Variants in MAP2K5 observed in about 807,000 individuals in gnomAD.
MAP2K5 encodes the protein mitogen-activated protein kinase kinase 5, also known as dual specificity mitogen-activated protein kinase kinase 5.
Under a neutral mutation model 83.1 loss-of-function variants are expected in MAP2K5, and 49 were observed. The observed-to-expected ratio is 0.59, with a 90% confidence interval of 0.47 to 0.75. The LOEUF is 0.75. Ranked by LOEUF, MAP2K5 falls within the 30% of genes least tolerant of loss-of-function variation. The pLI, the probability that MAP2K5 is intolerant of heterozygous loss-of-function variation, is 0.00. For synonymous variants in MAP2K5, 202 were observed against 191.8 expected (o/e 1.05, Z -0.44); for missense variants, 457 against 557.5 (o/e 0.82, Z 1.82).
chr15:67,806,677 G>A lies in MAP2K5; in HGVS notation c.1274G>A (p.Gly425Glu), dbSNP rs1203207707. ...CCGTTCATCGTGCAGTTCAATGATG[G>A]AAATGCCGCCGTGGTGTCCATGTGG... is the stretch of plus-strand genomic sequence containing the variant. ...GHPFIVQFND[G>E]NAAVVSMWVC... The change falls in exon 22 of 22, where the codon GGA becomes GAA. Residue 425 changes from glycine (G) to glutamate (E), a missense_variant. Physicochemically the swap from Gly to Glu is moderately conservative, Grantham distance 98. Coordinates refer to ENST00000178640, the MANE Select transcript of MAP2K5 (RefSeq NM_145160.3). 2.6e-6 allele frequency: 4 copies of A among 1,551,396 alleles called. No individual in the cohort carries two copies. Among genetic ancestry groups the A allele is most frequent in the Non-Finnish European group, 3.5e-6 (4 of 1,147,228 alleles).
chr15:67,759,021 A>G (rs1484633403), intron 19 of MAP2K5, among the ~76,000 whole-genome samples: 3 of 152,184 alleles, frequency 2.0e-5, no homozygotes, highest in Non-Finnish European at 4.4e-5. Context: ...AGTTAATTGA[A>G]TTCTATTCTG....
intron 17 of MAP2K5, among the ~76,000 whole-genome samples, chr15:67,730,387 G>A (rs1417995207): frequency 2.0e-5 from 3 of 152,200 alleles, no homozygotes; most frequent in Non-Finnish European, 4.4e-5. Context: ...CAGAATGGCT[G>A]ATTTGCTCAC....
At chr15:67,574,160 T>TAG (rs1261391101) in intron 3 of MAP2K5, among the ~76,000 whole-genome samples, 23 of 151,890 alleles carry the variant, frequency 1.5e-4, no homozygotes, top group Non-Finnish European at 1.5e-4. Flanking sequence ...TGGCTTGGGG[T>TAG]AGAGAATTTA....
intron 11 of MAP2K5, among the ~76,000 whole-genome samples, chr15:67,654,760 A>G (rs1324217039): frequency 1.3e-5 from 2 of 152,120 alleles, no homozygotes; most frequent in Non-Finnish European, 1.5e-5. Context: ...CACTGACTTT[A>G]TTTTAATAGT....
Position 67,543,311 on chromosome 15 carries a change from A to G in MAP2K5, c.-25A>G. 3.1e-6 allele frequency: 5 copies of G among 1,613,804 alleles called. No individual in the cohort carries two copies. The highest frequency in any genetic ancestry group is 4.2e-6 in the Non-Finnish European group (5 of 1,179,876). ...GCGGCCAGTGGGTTTCCCATACCCC[A>G]GGATGTGAGCCTCTTTAACCTGTAA... is the stretch of plus-strand genomic sequence containing the variant. On this transcript the variant is annotated 5_prime_UTR_variant, in exon 1 of 22. Coordinates refer to ENST00000178640, the MANE Select transcript of MAP2K5 (RefSeq NM_145160.3). This position sits in a 1 kb window ranked among gnomAD's most constrained non-coding sequence, Gnocchi z 4.3.
At chr15:67,551,149 A>G (rs2084502653) in intron 2 of MAP2K5, among the ~76,000 whole-genome samples, 1 of 152,136 alleles carries the variant, frequency 6.6e-6, no homozygotes, top group Non-Finnish European at 1.5e-5. Flanking sequence ...TTTTATGAAG[A>G]TGGTTACTTA....
chr15:67,731,107 T>C (rs879270378), intron 17 of MAP2K5, among the ~76,000 whole-genome samples: 3 of 152,156 alleles, frequency 2.0e-5, no homozygotes, highest in Non-Finnish European at 4.4e-5. Context: ...CTATCAATCA[T>C]AGGTTGTAAA....
Position 67,748,139 on chromosome 15 carries a change from C to A in MAP2K5, c.1075-92C>A. The A allele has an allele frequency of 1.2e-6, 1 of 862,750 alleles. No homozygotes were observed. Among genetic ancestry groups the A allele is most frequent in the South Asian group, 1.5e-5 (1 of 64,614 alleles). The allele number at this position is 862,750 out of a possible 1,614,324, so 53.4% of individuals were successfully genotyped here. A position where few individuals can be genotyped will look rare whatever the true frequency, so the allele number is the denominator to read the frequency against. On this transcript the variant is annotated intron_variant, in intron 17 of 21. Transcript: ENST00000178640. This position sits in a 1 kb window ranked among gnomAD's most constrained non-coding sequence, Gnocchi z 4.0. The stretch of plus-strand genomic sequence containing the variant: ...TTAACACATGCCCACAAATTGCCAC[C>A]AGCAATGCAATAATTTTCTCTCAGT...
chr15:67,786,486 C>T lies in MAP2K5; in HGVS notation c.1242+13734C>T, dbSNP rs1294204475. ...GGGTTCAGAAAGAATATAAGAAAGACCTATGTCTCAGGAGCAGACTAGACA... is the reference window on the plus strand; with the variant it reads ...GGGTTCAGAAAGAATATAAGAAAGATCTATGTCTCAGGAGCAGACTAGACA... On this transcript the variant is annotated intron_variant, in intron 21 of 21. Coordinates refer to ENST00000178640, the MANE Select transcript of MAP2K5 (RefSeq NM_145160.3). This position sits in a 1 kb window ranked among gnomAD's most constrained non-coding sequence, Gnocchi z 4.7. Among the ~76,000 whole-genome samples the T allele has an allele frequency of 7.9e-6, 1 of 127,370 alleles. No homozygotes were observed. Among genetic ancestry groups the T allele is most frequent in the Non-Finnish European group, 1.8e-5 (1 of 55,226 alleles). The allele number at this position is 127,370 out of a possible 152,430, so 83.6% of individuals were successfully genotyped here. A position where few individuals can be genotyped will look rare whatever the true frequency, so the allele number is the denominator to read the frequency against.
chr15:67,679,889 TA>T (rs1358801357), intron 13 of MAP2K5: 2 of 152,218 alleles, frequency 1.3e-5, no homozygotes, highest in African/African-American at 2.4e-5. Flanking sequence ...TTAGTAAGTT[TA>T]TAAAGTTGTG....
intron 13 of MAP2K5, among the ~76,000 whole-genome samples, chr15:67,686,688 GTA>G (rs1451691501): frequency 6.6e-6 from 1 of 152,002 alleles, no homozygotes; most frequent in Admixed American, 6.6e-5. Context: ...CAAAACTAAT[GTA>G]TAATGACAAA....
intron 16 of MAP2K5, among the ~76,000 whole-genome samples, chr15:67,711,011 T>C (rs909690110): frequency 6.6e-6 from 1 of 152,200 alleles, no homozygotes; most frequent in Non-Finnish European, 1.5e-5. Flanking sequence ...CTGAAGGTAA[T>C]ATCTTCTTCT....
intron 11 of MAP2K5, among the ~76,000 whole-genome samples, chr15:67,653,270 G>T (rs186439729): frequency 2.1e-5 from 3 of 141,126 alleles, no homozygotes; most frequent in Non-Finnish European, 3.0e-5. Flanking sequence ...AAGTTTGTCA[G>T]TTTCTCTGTT....
At chr15:67,660,406 G>A (rs2087207389) in intron 12 of MAP2K5, among the ~76,000 whole-genome samples, 1 of 152,116 alleles carries the variant, frequency 6.6e-6, no homozygotes. Context: ...GTCAAAATAA[G>A]ACTAGCAAAT....
In MAP2K5 at chr15:67,643,818, G is replaced by A. The variant is rs1289570735; in HGVS notation, c.586-2413G>A. On this transcript the variant is annotated intron_variant, in intron 9 of 21. Transcript: ENST00000178640. ...TTCCGCTTCCCCAAATCAACGCCTG[G>A]CCAATGTCAGGACTATAAAATGTAC... Among the ~76,000 whole-genome samples the A allele has an allele frequency of 3.9e-5, 6 of 152,092 alleles. No individual in the cohort carries two copies. The East Asian group carries it at 9.7e-4, about 25-fold the overall frequency.
intron 1 of MAP2K5, chr15:67,546,545 A>C (rs1224011622): frequency 1.0e-6 from 1 of 980,850 alleles, no homozygotes; most frequent in African/African-American, 1.7e-5. Context: ...CTGAATCATC[A>C]GGGACTGGCT....
rs1170351281 is a variant in MAP2K5 at position 67,768,499 on chromosome 15, A to G, written c.1135-1103A>G. Among the ~76,000 whole-genome samples the G allele has an allele frequency of 1.3e-5, 2 of 152,206 alleles. No individual in the cohort carries two copies. Among genetic ancestry groups the G allele is most frequent in the African/African-American group, 4.8e-5 (2 of 41,440 alleles). ...CCTGCAGCGCTGGAAGGTTGTATGT[A>G]ATGATATATTGCTCATCCAAATGGC... On this transcript the variant is annotated intron_variant, in intron 19 of 21. Coordinates refer to ENST00000178640, the MANE Select transcript of MAP2K5 (RefSeq NM_145160.3). The surrounding 1 kb of genome is among the most constrained non-coding windows in gnomAD (Gnocchi z 4.0).
At chr15:67,602,211 A>C (rs2085674350) in intron 8 of MAP2K5, among the ~76,000 whole-genome samples, 1 of 152,196 alleles carries the variant, frequency 6.6e-6, no homozygotes, top group African/African-American at 2.4e-5. Context: ...GATCTGACTT[A>C]GATTTTTCCT....
chr15:67,751,693 C>T (rs368503375), intron 19 of MAP2K5, among the ~76,000 whole-genome samples: 3 of 152,170 alleles, frequency 2.0e-5, no homozygotes, highest in East Asian at 3.8e-4. Context: ...TGGTGAATAT[C>T]ATTTAACCTT....
Sources: gnomAD v4.1 joint callset for allele counts (sites outside exome capture counted in the v4.1 genomes callset) on GRCh38, gnomAD v4.1.1 for gene constraint, Gnocchi (gnomAD v3.1) non-coding constraint, MANE v1.5 for transcripts, NCBI Gene and HGNC (gene_info 2026-07-23, HGNC 2026-07-21) for gene names.